Variants in FRYL observed in about 807,000 individuals in gnomAD.
The protein encoded by FRYL is protein furry homolog-like.
Under a neutral mutation model 351.2 loss-of-function variants are expected in FRYL, and 150 were observed. That is an observed-to-expected ratio of 0.43 (90% CI 0.37 to 0.49). The LOEUF (loss-of-function observed/expected upper bound fraction) is 0.49. FRYL is among the 20% of genes least tolerant of loss of function. FRYL has a pLI of 0.00. For synonymous variants in FRYL, 1,153 were observed against 1,257.1 expected (o/e 0.92, Z 1.75); for missense variants, 3,036 against 3,619.3 (o/e 0.84, Z 4.13).
intron 1 of FRYL, among the ~76,000 whole-genome samples, chr4:48,773,502 T>C (rs963175008): frequency 2.0e-5 from 3 of 152,330 alleles, no homozygotes; most frequent in Middle Eastern, 3.4e-3. Flanking sequence ...AATTGTTTAC[T>C]TGAAAAGAGT....
intron 13 of FRYL, 140 bp downstream of exon 13, chr4:48,601,880 T>C (rs951431624): frequency 3.9e-6 from 2 of 517,774 alleles, no homozygotes; most frequent in Non-Finnish European, 7.1e-6. Flanking sequence ...ACAGTAGGTA[T>C]AAGAAAAGGA....
chr4:48,543,225 T>C (rs1730620751), intron 44 of FRYL, among the ~76,000 whole-genome samples: 1 of 152,240 alleles, frequency 6.6e-6, no homozygotes. Flanking sequence ...TGGATTATCA[T>C]ATGTAAAACA....
intron 2 of FRYL, among the ~76,000 whole-genome samples, chr4:48,693,780 T>C (rs1765879138): frequency 6.6e-6 from 1 of 152,214 alleles, no homozygotes; most frequent in African/African-American, 2.4e-5. Context: ...CATACCATGC[T>C]GATTCTCCAA....
At chr4:48,745,075 T>C (rs1447585978) in intron 1 of FRYL, among the ~76,000 whole-genome samples, 3 of 152,202 alleles carry the variant, frequency 2.0e-5, no homozygotes, top group Non-Finnish European at 4.4e-5. Context: ...TTTGGATAGA[T>C]AGTCCAAGAG....
chr4:48,508,088 G>A (rs1721666851), intron 59 of FRYL, among the ~76,000 whole-genome samples: 1 of 152,182 alleles, frequency 6.6e-6, no homozygotes, highest in African/African-American at 2.4e-5. Context: ...CTATTTAATT[G>A]TTACAGTGCA....
At chr4:48,654,199 G>T (rs1758309969) in intron 3 of FRYL, among the ~76,000 whole-genome samples, 2 of 149,602 alleles carry the variant, frequency 1.3e-5, no homozygotes, top group African/African-American at 5.0e-5. Flanking sequence ...CTGCCCTTGG[G>T]TACCAACTTT....
rs576854736 is a variant in FRYL at position 48,713,634 on chromosome 4, A to T, written c.-383-2936T>A. On this transcript the variant is annotated intron_variant, in intron 1 of 63. Transcript: ENST00000358350. ...AGATTCATAAAGCAAGTCCTGAGTG[A>T]CCTACAAAGAGACTTAGACTCCCAC... Among the ~76,000 whole-genome samples the T allele has an allele frequency of 1.1e-4, 17 of 152,274 alleles. No homozygotes were observed. In the East Asian group the frequency reaches 3.3e-3, roughly 29 times the overall value.
At chr4:48,535,875 G>T in intron 47 of FRYL, 48 bp from the exon 48 acceptor site, 1 of 1,318,882 alleles carries the variant, frequency 7.6e-7, no homozygotes, top group South Asian at 2.1e-5. Context: ...AAAGACACAA[G>T]TTTAACTTGA....
rs1734263477 is a variant in FRYL at position 48,557,037 on chromosome 4, T to C, written c.4207A>G (p.Ile1403Val). Residue 1403 changes from isoleucine to valine, a missense_variant, in exon 35 of 64, where the codon ATT (isoleucine) becomes GTT (valine). By Grantham distance (29) the Ile-to-Val change is conservative (BLOSUM62 3). Around this residue, in one of 7 missense-constraint regions of FRYL, gnomAD observed 1,987 missense variants for 2,311.7 expected, o/e 0.86. Coordinates refer to ENST00000358350, the MANE Select transcript of FRYL (RefSeq NM_015030.2). Reference sequence around the variant, plus strand: ...CAAATGCTGATCAAAAAGTGCAAAATTATTTTCAGGTTTTTGGGCCAGCCA... The same window carrying C: ...CAAATGCTGATCAAAAAGTGCAAAACTATTTTCAGGTTTTTGGGCCAGCCA... Reference protein sequence around the residue: ...ADGWPKNLKIILHFLISICGV... With the variant: ...ADGWPKNLKIVLHFLISICGV... 1 of 1,608,678 alleles carries C rather than the reference T, an allele frequency of 6.2e-7. No individual in the cohort carries two copies. Among genetic ancestry groups the C allele is most frequent in the African/African-American group, 1.4e-5 (1 of 74,014 alleles).
intron 3 of FRYL, among the ~76,000 whole-genome samples, chr4:48,636,035 C>T (rs1285074732): frequency 6.6e-6 from 1 of 152,078 alleles, no homozygotes; most frequent in Non-Finnish European, 1.5e-5. Flanking sequence ...GTATCACAAA[C>T]GTAATATATC....
intron 1 of FRYL, among the ~76,000 whole-genome samples, chr4:48,766,134 T>C (rs2109392718): frequency 6.6e-6 from 1 of 152,310 alleles, no homozygotes; most frequent in Middle Eastern, 3.4e-3. Context: ...ATTGGGTATA[T>C]ATCCAAAGTA....
rs769445004 is a variant in FRYL at position 48,523,064 on chromosome 4, C to T, written c.7358G>A (p.Arg2453His). 3.7e-6 allele frequency: 6 copies of T among 1,613,548 alleles called. No homozygotes were observed. The African/African-American group carries it at 4.0e-5, about 11-fold the overall frequency. Reference protein sequence around the residue: ...MDNFNWGVRRRSLDSIDKGDT... With the variant: ...MDNFNWGVRRHSLDSIDKGDT... ...CCCTTTGTCAATACTGTCCAGTGAGCGCCTGCGAACTCCCCAGTTGAAATT... is the reference window on the plus strand; with the variant it reads ...CCCTTTGTCAATACTGTCCAGTGAGTGCCTGCGAACTCCCCAGTTGAAATT... The change falls in exon 54 of 64, where the codon CGC (arginine) becomes CAC (histidine). Residue 2453 changes from arginine (R) to histidine (H), a missense_variant. Physicochemically the swap from Arg to His is conservative, Grantham distance 29. Transcript: ENST00000358350.
At chr4:48,589,022 T>A (rs2149197695) in intron 18 of FRYL, among the ~76,000 whole-genome samples, 1 of 152,340 alleles carries the variant, frequency 6.6e-6, no homozygotes, top group South Asian at 2.1e-4. Context: ...CTCTCAGAGA[T>A]ATTAGCATAT....
chr4:48,545,532 C>T (rs999101446), intron 42 of FRYL, among the ~76,000 whole-genome samples: 2 of 152,154 alleles, frequency 1.3e-5, no homozygotes, highest in Admixed American at 1.3e-4. Context: ...TCAATATAAT[C>T]TACAACCTTA....
At chr4:48,671,995 C>A (rs1181797251) in intron 3 of FRYL, among the ~76,000 whole-genome samples, 1 of 150,558 alleles carries the variant, frequency 6.6e-6, no homozygotes, top group East Asian at 2.0e-4. Context: ...GACCTAGATC[C>A]AAATTCCTAG....
intron 19 of FRYL, among the ~76,000 whole-genome samples, chr4:48,584,882 A>C (rs1011923443): frequency 7.2e-5 from 11 of 152,218 alleles, no homozygotes; most frequent in Non-Finnish European, 1.0e-4. Context: ...AAGAGAGGAG[A>C]GAATAGAATA....
At chr4:48,721,797 C>G (rs1173250366) in intron 1 of FRYL, among the ~76,000 whole-genome samples, 1 of 152,128 alleles carries the variant, frequency 6.6e-6, no homozygotes, top group African/African-American at 2.4e-5. Flanking sequence ...CCCGCCACCA[C>G]ACCCGGCTAA....
At chr4:48,755,239 CACACTAA>C (rs1773651791) in intron 1 of FRYL, among the ~76,000 whole-genome samples, 1 of 152,098 alleles carries the variant, frequency 6.6e-6, no homozygotes, top group African/African-American at 2.4e-5. Context: ...CATCCAGCTC[CACACTAA>C]GTTATCCCAT....
chr4:48,535,780 C>T lies in FRYL; in HGVS notation c.6441G>A (p.Met2147Ile), dbSNP rs1236125715. 6.3e-7 allele frequency: 1 copy of T among 1,575,152 alleles called. No homozygotes were observed. Among genetic ancestry groups the T allele is most frequent in the Non-Finnish European group, 8.6e-7 (1 of 1,157,678 alleles). Reference sequence around the variant, plus strand: ...ACGTGTGTGTACTGTACAAACTCATCATGTGTGCCAGATTGACAAGTGTTG... The same window carrying T: ...ACGTGTGTGTACTGTACAAACTCATTATGTGTGCCAGATTGACAAGTGTTG... Reference protein sequence around the residue: ...KCPTLVNLAHMMSLYSTHTYS... With the variant: ...KCPTLVNLAHIMSLYSTHTYS... Residue 2147 changes from methionine to isoleucine, a missense_variant, in exon 48 of 64, where the codon ATG (methionine) becomes ATA (isoleucine). Transcript: ENST00000358350.
Sources: gnomAD v4.1 joint callset for allele counts (sites outside exome capture counted in the v4.1 genomes callset) on GRCh38, gnomAD v4.1.1 for gene constraint, gnomAD v4.1.1 regional missense constraint, MANE v1.5 for transcripts, NCBI Gene and HGNC (gene_info 2026-07-23, HGNC 2026-07-21) for gene names.